Variants in GPR39 observed in about 807,000 individuals in gnomAD.
The protein encoded by GPR39 is G protein-coupled receptor 39, also known as zinc sensing receptor.
Under a neutral mutation model 18.4 loss-of-function variants are expected in GPR39, and 23 were observed. The observed-to-expected ratio is 1.25, with a 90% CI of 0.90 to 1.77. The LOEUF is 1.77. Among genes scored for constraint, GPR39 ranks in the 40% most tolerant of loss-of-function variants. The pLI is 0.00. For missense variants in GPR39, 647 were observed against 602.4 expected (o/e 1.07, Z -0.78); for synonymous variants, 280 against 257.9 (o/e 1.09, Z -0.82).
At chr2:132,424,261 G>A (rs1261444236) in intron 1 of GPR39, among the ~76,000 whole-genome samples, 2 of 152,184 alleles carry the variant, frequency 1.3e-5, no homozygotes, top group East Asian at 3.9e-4. Context: ...TTATTTCTTA[G>A]CAGGCTCTTT....
intron 1 of GPR39, among the ~76,000 whole-genome samples, chr2:132,536,204 A>G (rs1679755851): frequency 6.6e-6 from 1 of 152,196 alleles, no homozygotes; most frequent in South Asian, 2.1e-4. Context: ...TGATAAGGGC[A>G]TTTAGTGCTA....
chr2:132,536,428 A>C (rs187223179), intron 1 of GPR39, among the ~76,000 whole-genome samples: 52 of 152,280 alleles, frequency 3.4e-4, no homozygotes, highest in African/African-American at 1.2e-3. Context: ...CTGTGGTCTG[A>C]GAGACTGTTT....
chr2:132,598,545 G>A (rs1458404195), intron 1 of GPR39, among the ~76,000 whole-genome samples: 1 of 150,308 alleles, frequency 6.7e-6, no homozygotes, highest in African/African-American at 2.4e-5. Context: ...AAAAGCCCAT[G>A]GAGAGGCCAG....
chr2:132,626,086 C>T (rs946496449), intron 1 of GPR39, among the ~76,000 whole-genome samples: 13 of 148,108 alleles, frequency 8.8e-5, no homozygotes, highest in South Asian at 2.1e-4. Context: ...GGCGACAGAG[C>T]GAGACTCCAT....
intron 1 of GPR39, among the ~76,000 whole-genome samples, chr2:132,589,165 G>A (rs1459773509): frequency 6.6e-6 from 1 of 152,082 alleles, no homozygotes; most frequent in Non-Finnish European, 1.5e-5. Context: ...AAGAATCGTG[G>A]GACCCATGTC....
chr2:132,543,937 A>G (rs1267858369), intron 1 of GPR39, among the ~76,000 whole-genome samples: 1 of 152,204 alleles, frequency 6.6e-6, no homozygotes, highest in African/African-American at 2.4e-5. Flanking sequence ...GAAATTGCAG[A>G]CAAAATTATA....
chr2:132,534,608 GAC>G (rs1679712387), intron 1 of GPR39, among the ~76,000 whole-genome samples: 1 of 151,448 alleles, frequency 6.6e-6, no homozygotes, highest in Admixed American at 6.6e-5. Context: ...AACAATGATA[GAC>G]TGGATTAAGA....
At chr2:132,419,965 T>C (rs1679977797) in intron 1 of GPR39, among the ~76,000 whole-genome samples, 2 of 152,358 alleles carry the variant, frequency 1.3e-5, no homozygotes, top group South Asian at 4.1e-4. Flanking sequence ...TGCTCCAAGT[T>C]AAAGCCAGTC....
intron 1 of GPR39, among the ~76,000 whole-genome samples, chr2:132,485,917 C>T (rs1416212465): frequency 6.6e-6 from 1 of 152,100 alleles, no homozygotes; most frequent in African/African-American, 2.4e-5. Context: ...AGAAGGTGTT[C>T]AATTTACTTT....
At chr2:132,488,365 T>C (rs1313350878) in intron 1 of GPR39, among the ~76,000 whole-genome samples, 1 of 151,826 alleles carries the variant, frequency 6.6e-6, no homozygotes, top group Non-Finnish European at 1.5e-5. Context: ...TAGGTAAAAA[T>C]AACAAAAAAA....
At chr2:132,536,075 G>A (rs1679753961) in intron 1 of GPR39, among the ~76,000 whole-genome samples, 1 of 148,450 alleles carries the variant, frequency 6.7e-6, no homozygotes, top group African/African-American at 2.5e-5. Flanking sequence ...GTCTCCTTCA[G>A]TTCTGGTCTG....
chr2:132,547,091 A>G (rs1012745560), intron 1 of GPR39, among the ~76,000 whole-genome samples: 1 of 152,164 alleles, frequency 6.6e-6, no homozygotes, highest in African/African-American at 2.4e-5. Context: ...CAATGGGGTT[A>G]CTGTATGAGG....
At chr2:132,505,615 C>T (rs1478406644) in intron 1 of GPR39, among the ~76,000 whole-genome samples, 1 of 152,134 alleles carries the variant, frequency 6.6e-6, no homozygotes, top group African/African-American at 2.4e-5. Context: ...ATAGGATTCA[C>T]CTTGATAGCT....
intron 1 of GPR39, among the ~76,000 whole-genome samples, chr2:132,605,152 C>T (rs111688786): frequency 2.8e-4 from 42 of 152,244 alleles, no homozygotes; most frequent in Middle Eastern, 3.4e-3. Flanking sequence ...TCAGACAGCC[C>T]GACACCAGAC....
intron 1 of GPR39, among the ~76,000 whole-genome samples, chr2:132,498,021 C>T (rs576198027): frequency 5.9e-5 from 9 of 152,224 alleles, no homozygotes; most frequent in East Asian, 3.9e-4. Context: ...TCAGTTATGA[C>T]GACAATATGG....
intron 1 of GPR39, among the ~76,000 whole-genome samples, chr2:132,589,220 T>C (rs1385228570): frequency 6.6e-6 from 1 of 151,824 alleles, no homozygotes; most frequent in African/African-American, 2.4e-5. Context: ...TGTCCCCCCC[T>C]CCCCATTGCC....
intron 1 of GPR39, chr2:132,604,813 AAAG>A (rs1681104031): frequency 6.6e-6 from 1 of 152,312 alleles, no homozygotes; most frequent in Non-Finnish European, 1.5e-5. Context: ...GAGAGAACTG[AAAG>A]AAGTAGAAAC....
chr2:132,495,802 A>C (rs1681630799), intron 1 of GPR39, among the ~76,000 whole-genome samples: 2 of 148,384 alleles, frequency 1.3e-5, no homozygotes, highest in Non-Finnish European at 1.5e-5. Flanking sequence ...CTCTCTTCTC[A>C]CCCCCTCTCT....
intron 1 of GPR39, among the ~76,000 whole-genome samples, chr2:132,449,776 T>C (rs1228028017): frequency 3.3e-5 from 5 of 152,182 alleles, no homozygotes. Flanking sequence ...TTTATTATCA[T>C]TTTGTGTCTG....
Sources: allele counts gnomAD v4.1 joint callset (sites outside exome capture counted in the v4.1 genomes callset), GRCh38; gene constraint gnomAD v4.1.1; transcripts MANE v1.5; gene names NCBI Gene and HGNC (gene_info 2026-07-23, HGNC 2026-07-21).